Variants in HACD3 observed in about 807,000 individuals in gnomAD.
HACD3 encodes the protein very-long-chain (3R)-3-hydroxyacyl-CoA dehydratase 3.
In HACD3, 30 loss-of-function variants were observed where a neutral mutation model predicts 55.2. The observed-to-expected ratio is 0.54, with a 90% CI of 0.41 to 0.74. The LOEUF is 0.74. HACD3 is among the 30% of genes least tolerant of loss of function. The pLI is 0.00. For missense variants in HACD3, 363 were observed against 440.1 expected (o/e 0.82, Z 1.57); for synonymous variants, 141 against 151.7 (o/e 0.93, Z 0.52).
chr15:65,565,407 C>T (rs975528348), intron 7 of HACD3: 11 of 152,306 alleles, frequency 7.2e-5, no homozygotes, highest in African/African-American at 2.7e-4. Flanking sequence ...ATGAGGGCCC[C>T]ATCCCTGCAG....
At chr15:65,555,238 G>A (rs562892544) in intron 3 of HACD3, among the ~76,000 whole-genome samples, 3 of 152,272 alleles carry the variant, frequency 2.0e-5, no homozygotes, top group East Asian at 1.9e-4. Flanking sequence ...TTAAATGAAG[G>A]TCTGGACTAA....
Position 65,570,189 on chromosome 15 carries a change from A to G in HACD3, c.759A>G (p.Ala253=). 6.2e-7 allele frequency: 1 copy of G among 1,608,458 alleles called. No homozygotes were observed. The highest frequency in any genetic ancestry group is 8.5e-7 in the Non-Finnish European group (1 of 1,175,524). ...VVFFVFYLWS[A]IEIFRYSFYM... ...TCTTTGTGTTTTATTTGTGGAGTGC[A>G]ATTGAAATTTTCAGGTGGGTAGAAA... The change falls in exon 8 of 11, where the codon GCA becomes GCG. Residue 253 remains alanine, a synonymous_variant. Coordinates refer to ENST00000261875, the MANE Select transcript of HACD3 (RefSeq NM_016395.4).
intron 1 of HACD3, among the ~76,000 whole-genome samples, chr15:65,543,509 A>G (rs2072042975): frequency 6.6e-6 from 1 of 152,246 alleles, no homozygotes; most frequent in Non-Finnish European, 1.5e-5. Context: ...TTTTCACTGT[A>G]AAAGATATAA....
At chr15:65,534,060 AAAAAAG>A (rs1310555120) in intron 1 of HACD3, among the ~76,000 whole-genome samples, 14 of 151,694 alleles carry the variant, frequency 9.2e-5, no homozygotes, top group Admixed American at 9.2e-4. Context: ...CAAAAAAAAA[AAAAAAG>A]AAAAGAAACC....
Position 65,570,121 on chromosome 15 carries a change from A to C in HACD3, c.691A>C (p.Ile231Leu). The C allele has an allele frequency of 6.2e-7, 1 of 1,611,034 alleles. No homozygotes were observed. The highest frequency in any genetic ancestry group is 2.2e-5 in the East Asian group (1 of 44,808). The change falls in exon 8 of 11, where the codon ATC (isoleucine) becomes CTC (leucine). Residue 231 changes from isoleucine to leucine, a missense_variant. Ile to Leu is a conservative substitution (Grantham distance 5). Coordinates refer to ENST00000261875, the MANE Select transcript of HACD3 (RefSeq NM_016395.4). Reference sequence around the variant, plus strand: ...TGGAAGAAATTTTATTTTGTTTATCATCTTTGGCACCATGGAAGAAATGCA... The same window carrying C: ...TGGAAGAAATTTTATTTTGTTTATCCTCTTTGGCACCATGGAAGAAATGCA... ...LLGRNFILFI[I>L]FGTMEEMQNK...
At chr15:65,530,783 C>A in intron 1 of HACD3, 65 bp downstream of exon 1, 1 of 1,425,678 alleles carries the variant, frequency 7.0e-7, no homozygotes, top group South Asian at 1.3e-5. Context: ...GCCAGGACCC[C>A]TGCCCCCTTT....
intron 1 of HACD3, among the ~76,000 whole-genome samples, chr15:65,545,017 C>G (rs2072060560): frequency 7.1e-6 from 1 of 141,060 alleles, no homozygotes; most frequent in African/African-American, 2.7e-5. Flanking sequence ...GAAATTCTGT[C>G]TAAAAAAAAA....
At chr15:65,568,816 G>C (rs74719828) in intron 7 of HACD3, among the ~76,000 whole-genome samples, 9,525 of 152,250 alleles carry the variant, frequency 0.063, 312 homozygotes, top group African/African-American at 0.091. Flanking sequence ...ATGGTACAAA[G>C]ATAGTCACAC....
intron 2 of HACD3, among the ~76,000 whole-genome samples, chr15:65,553,987 C>T (rs573052986): frequency 7.9e-4 from 120 of 152,310 alleles, no homozygotes; most frequent in African/African-American, 2.8e-3. Context: ...CTCCTAGTTC[C>T]ACCTGTCCTT....
At position 65,568,144 on chromosome 15, in the gene HACD3, A is replaced by T. The variant is rs375861227; in HGVS notation, c.661-1947A>T. Among the ~76,000 whole-genome samples the T allele has an allele frequency of 2.0e-5, 3 of 150,118 alleles. No individual in the cohort carries two copies. The East Asian group carries it at 5.9e-4, about 30-fold the overall frequency. On this transcript the variant is annotated intron_variant, in intron 7 of 10. Transcript: ENST00000261875. ...CCCATGTTGGCCAGGCTGGTCTCGA[A>T]CTCCTGACCCCAGGTGATCTACCCG...
At chr15:65,546,106 G>A (rs1405465956) in intron 1 of HACD3, among the ~76,000 whole-genome samples, 5 of 152,178 alleles carry the variant, frequency 3.3e-5, no homozygotes, top group African/African-American at 4.8e-5. Flanking sequence ...CTAAGTGAGC[G>A]ACCCGTCTTG....
chr15:65,550,659 A>T lies in HACD3; in HGVS notation c.88-1017A>T, dbSNP rs1403913793. Among the ~76,000 whole-genome samples, 3 of 152,354 alleles carry T rather than the reference A, an allele frequency of 2.0e-5. No homozygotes were observed. The East Asian group carries it at 5.8e-4, about 29-fold the overall frequency. On this transcript the variant is annotated intron_variant, in intron 1 of 10. Transcript: ENST00000261875. The stretch of plus-strand genomic sequence containing the variant: ...CCAATATGTAGTGGCTTAAAGCAAC[A>T]ATAGTCGTTTATTGTCTCTCACAGT...
chr15:65,562,043 C>T (rs1171604630), intron 5 of HACD3, among the ~76,000 whole-genome samples: 2 of 152,190 alleles, frequency 1.3e-5, no homozygotes, highest in Non-Finnish European at 2.9e-5. Flanking sequence ...GGTGTGCCAC[C>T]CTCCAGGAAC....
rs189956644 is a variant in HACD3, at chr15:65,555,088, A to G, written c.204+128A>G. 3 of 747,816 alleles carry G rather than the reference A, an allele frequency of 4.0e-6. No individual in the cohort carries two copies. The African/African-American group carries it at 5.3e-5, about 13-fold the overall frequency. The allele number at this position is 747,816 out of a possible 1,614,324, so 46.3% of individuals were successfully genotyped here. A position where few individuals can be genotyped will look rare whatever the true frequency, so the allele number is the denominator to read the frequency against. The stretch of plus-strand genomic sequence containing the variant: ...CAAAGGGGAATAATAGAGTTCTTTT[A>G]TTTGGAACAGAGCCCAGGTTTTAGC... On this transcript the variant is annotated intron_variant, in intron 3 of 10. Transcript: ENST00000261875.
Position 65,573,708 on chromosome 15 carries a change from T to A in HACD3, c.1012+1342T>A, listed in dbSNP as rs148143990. On this transcript the variant is annotated intron_variant, in intron 10 of 10. Coordinates refer to ENST00000261875, the MANE Select transcript of HACD3 (RefSeq NM_016395.4). ...ATCTATACTATACTCTATACATAGATGTGAAAATACATACATTCTTATGTG... is the reference window on the plus strand; with the variant it reads ...ATCTATACTATACTCTATACATAGAAGTGAAAATACATACATTCTTATGTG... Among the ~76,000 whole-genome samples, 8 of 152,338 alleles carry A rather than the reference T, an allele frequency of 5.3e-5. No homozygotes were observed. In the East Asian group the frequency reaches 1.5e-3, roughly 29 times the overall value.
At chr15:65,547,061 C>G (rs1163988855) in intron 1 of HACD3, among the ~76,000 whole-genome samples, 1 of 152,062 alleles carries the variant, frequency 6.6e-6, no homozygotes, top group African/African-American at 2.4e-5. Flanking sequence ...ACGAAAAATG[C>G]AATGACTTAT....
intron 7 of HACD3, among the ~76,000 whole-genome samples, chr15:65,568,623 T>G (rs1261469682): frequency 1.3e-5 from 2 of 152,110 alleles, no homozygotes; most frequent in African/African-American, 4.8e-5. Context: ...CCTCCCAAAG[T>G]GCTGGGATTA....
intron 1 of HACD3, among the ~76,000 whole-genome samples, chr15:65,543,314 A>G (rs920607003): frequency 1.4e-4 from 22 of 152,088 alleles, no homozygotes; most frequent in Admixed American, 8.5e-4. Context: ...TTACACTTAC[A>G]AGGGTTATTT....
At chr15:65,568,378 T>C (rs888371803) in intron 7 of HACD3, among the ~76,000 whole-genome samples, 1 of 151,848 alleles carries the variant, frequency 6.6e-6, no homozygotes, top group African/African-American at 2.4e-5. Context: ...TTTTTTTTTT[T>C]CAGATGGTGT....
Sources: gnomAD v4.1 joint callset for allele counts (sites outside exome capture counted in the v4.1 genomes callset) on GRCh38, gnomAD v4.1.1 for gene constraint, MANE v1.5 for transcripts, NCBI Gene and HGNC (gene_info 2026-07-23, HGNC 2026-07-21) for gene names.